Variants in ELMO1 observed in about 807,000 individuals in gnomAD.
ELMO1 encodes the protein engulfment and cell motility 1, also known as engulfment and cell motility protein 1.
ELMO1 carries 26 observed loss-of-function variants against 98.9 expected under a neutral mutation model. That is an observed-to-expected ratio of 0.26 (90% confidence interval 0.19 to 0.36). The LOEUF (loss-of-function observed/expected upper bound fraction) is 0.36. ELMO1 is among the 10% of genes least tolerant of loss of function. The probability of loss-of-function intolerance (pLI) is 1.00; values close to 1 mark genes in which losing one functional copy is unlikely to be tolerated. For missense variants in ELMO1, 627 were observed against 935.2 expected, an observed-to-expected ratio of 0.67 and a Z score of 4.30; for synonymous variants, 346 against 346.0, an observed-to-expected ratio of 1.00 and a Z score of 0.00.
At chr7:36,989,646 T>C (rs532967183) in intron 16 of ELMO1, among the ~76,000 whole-genome samples, 1 of 152,340 alleles carries the variant, frequency 6.6e-6, no homozygotes, top group South Asian at 2.1e-4. Flanking sequence ...AGATCATCTT[T>C]CTTTTGAATG....
intron 13 of ELMO1, among the ~76,000 whole-genome samples, chr7:37,157,474 G>A (rs1788865543): frequency 6.6e-6 from 1 of 152,086 alleles, no homozygotes; most frequent in Non-Finnish European, 1.5e-5. Context: ...CAAAGTCTCA[G>A]GATACAAAAT....
intron 15 of ELMO1, among the ~76,000 whole-genome samples, chr7:37,068,753 A>G (rs1472726407): frequency 6.6e-6 from 1 of 152,138 alleles, no homozygotes; most frequent in Admixed American, 6.5e-5. Context: ...GGTGCTCACT[A>G]AAGCACAGAC....
chr7:37,448,664 A>G lies in ELMO1; in HGVS notation c.-74+11T>C, dbSNP rs1167805710. 6.6e-6 allele frequency: 1 copy of G among 152,252 alleles called. No homozygotes were observed. Among genetic ancestry groups the G allele is most frequent in the East Asian group, 1.9e-4 (1 of 5,168 alleles). 9.4% of individuals were successfully genotyped at this position (152,252 alleles called of 1,614,324 possible). ...TCGGGGCGCGGCGCCAGCCCAGGAA[A>G]CTTTACGAACCTGCTTGGGGTCGCA... is the stretch of plus-strand genomic sequence containing the variant. On this transcript the variant is annotated intron_variant, in intron 1 of 21. Coordinates refer to ENST00000310758, the MANE Select transcript of ELMO1 (RefSeq NM_014800.11).
At chr7:37,289,560 G>A (rs1385826453) in intron 4 of ELMO1, among the ~76,000 whole-genome samples, 1 of 152,094 alleles carries the variant, frequency 6.6e-6, no homozygotes, top group Admixed American at 6.5e-5. Context: ...GGCTCAAAAA[G>A]CTGTCCAGAA....
At chr7:36,987,152 G>T (rs1377747157) in intron 16 of ELMO1, among the ~76,000 whole-genome samples, 1 of 152,098 alleles carries the variant, frequency 6.6e-6, no homozygotes, top group Non-Finnish European at 1.5e-5. Flanking sequence ...CCTCATCAAG[G>T]CGCCCTGAAC....
rs758953708 is a variant in ELMO1, at chr7:37,096,747, A to G, written c.1192-20T>C. ...CACAATCTGTAATGGGAAAGGGAAC[A>G]GATTAGAAAGGAAATTCAATTGTGG... On this transcript the variant is annotated intron_variant, in intron 14 of 21. Coordinates refer to ENST00000310758, the MANE Select transcript of ELMO1 (RefSeq NM_014800.11). 1 of 1,599,424 alleles carries G rather than the reference A, an allele frequency of 6.3e-7. No homozygotes were observed. The highest frequency in any genetic ancestry group is 1.1e-5 in the South Asian group (1 of 90,788).
chr7:37,168,119 A>G (rs1789858255), intron 13 of ELMO1, among the ~76,000 whole-genome samples: 1 of 151,756 alleles, frequency 6.6e-6, no homozygotes, highest in South Asian at 2.1e-4. Context: ...CCTTTCTTCC[A>G]GTTGATCGCA....
intron 16 of ELMO1, among the ~76,000 whole-genome samples, chr7:36,929,837 G>C (rs577103181): frequency 2.1e-4 from 32 of 152,338 alleles, no homozygotes; most frequent in African/African-American, 7.7e-4. Flanking sequence ...AAACAAGCCA[G>C]AGCTTGTCCG....
intron 16 of ELMO1, among the ~76,000 whole-genome samples, chr7:36,911,076 A>T (rs187402330): frequency 1.1e-4 from 17 of 152,270 alleles, no homozygotes; most frequent in African/African-American, 3.6e-4. Flanking sequence ...TGAGAGAGAA[A>T]GGTGTTCTCT....
At chr7:37,142,635 T>C (rs1445644322) in intron 13 of ELMO1, among the ~76,000 whole-genome samples, 2 of 152,230 alleles carry the variant, frequency 1.3e-5, no homozygotes, top group Admixed American at 6.5e-5. Flanking sequence ...AGACTTTACA[T>C]AGACTGAGAA....
At chr7:37,170,217 T>G (rs1474712939) in intron 13 of ELMO1, among the ~76,000 whole-genome samples, 1 of 152,244 alleles carries the variant, frequency 6.6e-6, no homozygotes, top group East Asian at 1.9e-4. Flanking sequence ...GATGCACATT[T>G]CTTTTCGTCT....
At chr7:37,367,098 A>T (rs756932268) in intron 1 of ELMO1, among the ~76,000 whole-genome samples, 17 of 152,208 alleles carry the variant, frequency 1.1e-4, no homozygotes, top group Middle Eastern at 6.8e-3. Flanking sequence ...ACCACACCTG[A>T]CTTCTTCAAG....
chr7:37,244,429 T>C, intron 6 of ELMO1, 38 bp from the exon 7 acceptor site: 1 of 1,602,732 alleles, frequency 6.2e-7, no homozygotes, highest in East Asian at 2.2e-5. Context: ...GGAGCATACT[T>C]AAAAGCAACA....
intron 13 of ELMO1, among the ~76,000 whole-genome samples, chr7:37,171,481 C>CTCTT (rs71553100): frequency 4.5e-5 from 2 of 44,268 alleles, no homozygotes; most frequent in Admixed American, 3.2e-4. Flanking sequence ...CCAGGCCTTT[C>CTCTT]TATTTTTTTT....
chr7:37,123,663 A>G (rs910708623), intron 14 of ELMO1, among the ~76,000 whole-genome samples: 1 of 152,190 alleles, frequency 6.6e-6, no homozygotes, highest in Non-Finnish European at 1.5e-5. Flanking sequence ...CCAACCAAAA[A>G]AAGTCCAGAA....
chr7:37,168,599 C>G (rs1313981041), intron 13 of ELMO1, among the ~76,000 whole-genome samples: 1 of 152,140 alleles, frequency 6.6e-6, no homozygotes, highest in Non-Finnish European at 1.5e-5. Flanking sequence ...TGCTAGAGGT[C>G]CACTTCAGAC....
At chr7:37,007,693 A>T (rs1407078977) in intron 16 of ELMO1, among the ~76,000 whole-genome samples, 2 of 152,158 alleles carry the variant, frequency 1.3e-5, no homozygotes, top group Admixed American at 1.3e-4. Flanking sequence ...TCCCTTTTTT[A>T]TTCATGTGTT....
At chr7:36,922,630 C>G (rs1785239302) in intron 16 of ELMO1, among the ~76,000 whole-genome samples, 2 of 152,138 alleles carry the variant, frequency 1.3e-5, no homozygotes, top group African/African-American at 4.8e-5. Context: ...AAATGAGAAG[C>G]TCCATCTTAT....
chr7:37,155,898 T>C (rs557538125), intron 13 of ELMO1, among the ~76,000 whole-genome samples: 10 of 152,298 alleles, frequency 6.6e-5, no homozygotes, highest in Non-Finnish European at 1.0e-4. Context: ...ATCGCACTTA[T>C]TCCACAATTG....
Sources: allele counts gnomAD v4.1 joint callset (sites outside exome capture counted in the v4.1 genomes callset), GRCh38; gene constraint gnomAD v4.1.1; transcripts MANE v1.5; gene names NCBI Gene and HGNC (gene_info 2026-07-23, HGNC 2026-07-21).